ADGRL2: variants seen among roughly 807,000 people sequenced by gnomAD.
The protein encoded by ADGRL2 is calcium-independent alpha-latrotoxin receptor 2.
In ADGRL2, 44 loss-of-function variants were observed where a neutral mutation model predicts 157.4. The observed-to-expected ratio is 0.28, with a 90% CI of 0.22 to 0.36. The LOEUF (loss-of-function observed/expected upper bound fraction) is 0.36, where lower values mean the gene tolerates loss of function less well. ADGRL2 is among the 10% of genes least tolerant of loss of function. The pLI, the probability that ADGRL2 is intolerant of heterozygous loss-of-function variation, is 1.00. For synonymous variants in ADGRL2, 585 were observed against 624.7 expected, an observed-to-expected ratio of 0.94 and a Z score of 0.95; for missense variants, 1,510 against 1,768.9, an observed-to-expected ratio of 0.85 and a Z score of 2.63.
intron 3 of ADGRL2, among the ~76,000 whole-genome samples, chr1:81,651,659 A>T (rs960393575): frequency 1.3e-5 from 2 of 152,170 alleles, no homozygotes; most frequent in African/African-American, 4.8e-5. Context: ...ATACTTTGGC[A>T]TCAATTCATT....
chr1:81,727,354 A>G (rs1220996559), intron 1 of ADGRL2, among the ~76,000 whole-genome samples: 2 of 152,182 alleles, frequency 1.3e-5, no homozygotes, highest in Non-Finnish European at 2.9e-5. Flanking sequence ...GTTTTAGTAC[A>G]TATTTATTTA....
At chr1:81,797,966 T>C (rs912228427), upstream of ADGRL2, among the ~76,000 whole-genome samples, 3 of 152,284 alleles carry the variant, frequency 2.0e-5, no homozygotes, top group East Asian at 5.8e-4. Flanking sequence ...GTTTCCTTTG[T>C]CCTTTGTAGA....
intron 1 of ADGRL2, among the ~76,000 whole-genome samples, chr1:81,719,620 T>C (rs541552037): frequency 2.6e-5 from 4 of 152,272 alleles, no homozygotes; most frequent in South Asian, 4.1e-4. Context: ...AGTCACTTCA[T>C]CATTTTTTTT....
intron 2 of ADGRL2, among the ~76,000 whole-genome samples, chr1:81,892,594 A>G (rs1320371843): frequency 2.0e-5 from 3 of 152,150 alleles, no homozygotes; most frequent in African/African-American, 7.2e-5. Context: ...TTTTGTCCAA[A>G]CCAGTTGGAA....
chr1:81,311,536 C>T (rs1659757303), intron 1 of ADGRL2, among the ~76,000 whole-genome samples: 2 of 152,098 alleles, frequency 1.3e-5, no homozygotes, highest in Admixed American at 6.6e-5. Flanking sequence ...CTAAAGCCTA[C>T]TCTTGATTAA....
At chr1:81,847,950 A>T (rs567854339) in intron 2 of ADGRL2, among the ~76,000 whole-genome samples, 1 of 138,830 alleles carries the variant, frequency 7.2e-6, no homozygotes, top group Non-Finnish European at 1.6e-5. Context: ...GCTTATCAGC[A>T]CCATAAGAGT....
rs115210610 is a variant in ADGRL2 at position 81,536,549 on chromosome 1, A to G, written c.-247-44327A>G. 1.9e-3 allele frequency among the ~76,000 whole-genome samples: 296 copies of G among 152,330 alleles called. 2 individuals are homozygous for G. Among genetic ancestry groups the G allele is most frequent in the African/African-American group, 6.9e-3 (289 of 41,586 alleles). ...TGCCACAACTTCTATTCTCATCTCT[A>G]TCTTCAGAATTTGCTTTGACTCTCA... On this transcript the variant is annotated intron_variant, in intron 2 of 24. Coordinates refer to the ADGRL2 transcript ENST00000370721.
At chr1:81,829,554 G>T (rs2091783980) in intron 1 of ADGRL2, among the ~76,000 whole-genome samples, 3 of 152,162 alleles carry the variant, frequency 2.0e-5, no homozygotes, top group Admixed American at 2.0e-4. Flanking sequence ...TGTGAAATAT[G>T]TGAGCTAAAT....
intron 3 of ADGRL2, among the ~76,000 whole-genome samples, chr1:81,673,406 A>G (rs1288823707): frequency 6.6e-6 from 1 of 152,076 alleles, no homozygotes; most frequent in Non-Finnish European, 1.5e-5. Flanking sequence ...TGGTCTAACA[A>G]TAGAATTTGT....
At chr1:81,378,934 A>G (rs537140219) in intron 1 of ADGRL2, among the ~76,000 whole-genome samples, 1 of 152,188 alleles carries the variant, frequency 6.6e-6, no homozygotes, top group South Asian at 2.1e-4. Context: ...TTTTTTAAAA[A>G]TTTTCTGCTG....
At chr1:81,333,582 A>AT (rs1661425858) in intron 1 of ADGRL2, among the ~76,000 whole-genome samples, 1 of 151,786 alleles carries the variant, frequency 6.6e-6, no homozygotes, top group Non-Finnish European at 1.5e-5. Flanking sequence ...CGCCTGGATA[A>AT]TTTTTTGTAT....
At chr1:81,487,994 C>T (rs1459019977) in intron 2 of ADGRL2, among the ~76,000 whole-genome samples, 6 of 152,178 alleles carry the variant, frequency 3.9e-5, no homozygotes, top group Admixed American at 1.3e-4. Flanking sequence ...GCTCTCATCA[C>T]GACTACTTCT....
intron 1 of ADGRL2, among the ~76,000 whole-genome samples, chr1:81,354,529 A>G (rs559636202): frequency 1.3e-5 from 2 of 152,288 alleles, no homozygotes; most frequent in African/African-American, 4.8e-5. Context: ...TCTTCTCATC[A>G]TGTTATCCCC....
chr1:81,368,696 T>TTACACTGC (rs2076109203), intron 1 of ADGRL2, among the ~76,000 whole-genome samples: 1 of 152,178 alleles, frequency 6.6e-6, no homozygotes, highest in African/African-American at 2.4e-5. Flanking sequence ...TCTTCACACT[T>TTACACTGC]TACACTGCTA....
chr1:81,683,424 T>C (rs1243904593), intron 3 of ADGRL2, among the ~76,000 whole-genome samples: 3 of 152,180 alleles, frequency 2.0e-5, no homozygotes, highest in Admixed American at 6.5e-5. Context: ...ACCATATTTG[T>C]AGTCTTTTAT....
In ADGRL2 at chr1:81,943,862, C is replaced by A; in HGVS notation, c.1210+93C>A. ...TAATTTTTTTTTCCTATTTTCTTCC[C>A]CTTTTCATAGTTAAAGGACAAAGGA... On this transcript the variant is annotated intron_variant, in intron 6 of 23. Transcript: ENST00000686636. This position sits in a 1 kb window ranked among gnomAD's most constrained non-coding sequence, Gnocchi z 5.6. 1.0e-6 allele frequency: 1 copy of A among 958,370 alleles called. No individual in the cohort carries two copies. The highest frequency in any genetic ancestry group is 1.6e-6 in the Non-Finnish European group (1 of 638,864). The allele number at this position is 958,370 out of a possible 1,614,324, so 59.4% of individuals were successfully genotyped here. A position where few individuals can be genotyped will look rare whatever the true frequency, so the allele number is the denominator to read the frequency against.
At chr1:81,568,743 A>C (rs2080619166) in intron 2 of ADGRL2, among the ~76,000 whole-genome samples, 1 of 152,206 alleles carries the variant, frequency 6.6e-6, no homozygotes, top group South Asian at 2.1e-4. Context: ...TTTACCAAAA[A>C]AATGATAAGT....
intron 3 of ADGRL2, among the ~76,000 whole-genome samples, chr1:81,606,464 T>C (rs1189522390): frequency 6.6e-6 from 1 of 150,792 alleles, no homozygotes; most frequent in Non-Finnish European, 1.5e-5. Context: ...TACCAACAAA[T>C]GACCCTACAC....
intron 2 of ADGRL2, among the ~76,000 whole-genome samples, chr1:81,543,744 G>A (rs935841685): frequency 6.6e-6 from 1 of 152,094 alleles, no homozygotes; most frequent in African/African-American, 2.4e-5. Flanking sequence ...CCCTACGATA[G>A]TTTCCCATTT....
Sources: allele counts gnomAD v4.1 joint callset (sites outside exome capture counted in the v4.1 genomes callset), GRCh38; gene constraint gnomAD v4.1.1; non-coding constraint Gnocchi (gnomAD v3.1); transcripts MANE v1.5; gene names NCBI Gene and HGNC (gene_info 2026-07-23, HGNC 2026-07-21).